ACTR2: variants seen among roughly 807,000 people sequenced by gnomAD.
The protein encoded by ACTR2 is actin related protein 2.
In ACTR2, 5 loss-of-function variants were observed where a neutral mutation model predicts 50.2. The observed-to-expected ratio is 0.10, with a 90% CI of 0.05 to 0.21. ACTR2 has a LOEUF of 0.21. Ranked by LOEUF, ACTR2 falls within the 10% of genes least tolerant of loss-of-function variation. The pLI is 1.00. For synonymous variants in ACTR2, 140 were observed against 162.9 expected, an observed-to-expected ratio of 0.86 and a Z score of 1.07; for missense variants, 180 against 480.6, an observed-to-expected ratio of 0.37 and a Z score of 5.85.
At chr2:65,231,228 T>C (rs1335404331) in intron 1 of ACTR2, among the ~76,000 whole-genome samples, 5 of 152,216 alleles carry the variant, frequency 3.3e-5, no homozygotes, top group African/African-American at 1.2e-4. Context: ...TTTAAAATTT[T>C]ATGCAGATTT....
intron 3 of ACTR2, among the ~76,000 whole-genome samples, chr2:65,246,960 G>A (rs569356230): frequency 6.6e-6 from 1 of 152,004 alleles, no homozygotes; most frequent in East Asian, 1.9e-4. Context: ...TTCTAACAGG[G>A]AAAAACAGAC....
intron 5 of ACTR2, among the ~76,000 whole-genome samples, chr2:65,254,706 A>G (rs1394704915): frequency 1.3e-5 from 2 of 152,218 alleles, no homozygotes; most frequent in African/African-American, 4.8e-5. Flanking sequence ...ACAACAAACA[A>G]TGTATAGTCT....
intron 1 of ACTR2, among the ~76,000 whole-genome samples, chr2:65,231,834 A>G (rs954878454): frequency 2.0e-5 from 3 of 152,194 alleles, no homozygotes; most frequent in East Asian, 3.8e-4. Flanking sequence ...GAAATACACT[A>G]ACAATAGCTG....
Position 65,239,968 on chromosome 2 carries a change from A to G in ACTR2, c.159+6A>G. ...TGGGAAACATTGAAATCAAGGTAATATTTTATTTATTGATAAATGATAATC... is the reference window on the plus strand; with the variant it reads ...TGGGAAACATTGAAATCAAGGTAATGTTTTATTTATTGATAAATGATAATC... On this transcript the variant is annotated splice_donor_region_variant and intron_variant, in intron 2 of 8. Transcript: ENST00000260641. The G allele has an allele frequency of 6.6e-7, 1 of 1,516,786 alleles. No individual in the cohort carries two copies. The highest frequency in any genetic ancestry group is 9.2e-7 in the Non-Finnish European group (1 of 1,092,382). 94.0% of individuals were successfully genotyped at this position (1,516,786 alleles called of 1,614,324 possible). A position where few individuals can be genotyped will look rare whatever the true frequency, so the allele number is the denominator to read the frequency against.
chr2:65,265,324 G>C (rs914704108), intron 8 of ACTR2, 149 bp downstream of exon 8: 14 of 900,418 alleles, frequency 1.6e-5, no homozygotes, highest in Non-Finnish European at 2.1e-5. Flanking sequence ...ATAGCAAGAA[G>C]GAAATAGTTC....
chr2:65,232,763 C>T (rs1671664454), intron 1 of ACTR2, among the ~76,000 whole-genome samples: 1 of 152,080 alleles, frequency 6.6e-6, no homozygotes, highest in African/African-American at 2.4e-5. Flanking sequence ...CATTTGATGA[C>T]TCAGTGGGAA....
At chr2:65,242,079 C>T (rs1274304579) in intron 2 of ACTR2, 3 of 1,575,710 alleles carry the variant, frequency 1.9e-6, no homozygotes, top group African/African-American at 1.3e-5. Flanking sequence ...TGAGGTTACA[C>T]ACATGCTCTG....
At chr2:65,267,967 G>A (rs1252307995) in intron 8 of ACTR2, among the ~76,000 whole-genome samples, 1 of 139,966 alleles carries the variant, frequency 7.1e-6, no homozygotes, top group African/African-American at 2.7e-5. Context: ...CTCCCGAGTA[G>A]CTGGGACTAC....
intron 6 of ACTR2, among the ~76,000 whole-genome samples, chr2:65,259,590 G>A (rs938436834): frequency 1.3e-4 from 20 of 151,868 alleles, no homozygotes; most frequent in African/African-American, 4.6e-4. Flanking sequence ...TTAGCCAGGC[G>A]TGGTGGCACA....
intron 1 of ACTR2, among the ~76,000 whole-genome samples, chr2:65,231,971 C>A (rs557037943): frequency 6.6e-6 from 1 of 152,226 alleles, no homozygotes; most frequent in Non-Finnish European, 1.5e-5. Context: ...TTTGTACTTA[C>A]GATCACATGA....
chr2:65,261,121 G>T, intron 6 of ACTR2, 126 bp from the exon 7 acceptor site: 2 of 872,462 alleles, frequency 2.3e-6, no homozygotes, highest in Non-Finnish European at 3.5e-6. Flanking sequence ...ATATATTTTA[G>T]GAAAAATTGT....
At chr2:65,232,738 T>C (rs1671662828) in intron 1 of ACTR2, among the ~76,000 whole-genome samples, 1 of 152,230 alleles carries the variant, frequency 6.6e-6, no homozygotes. Flanking sequence ...AACATTATAC[T>C]GTTCATATTC....
intron 3 of ACTR2, among the ~76,000 whole-genome samples, chr2:65,248,100 C>T (rs1558624074): frequency 6.6e-6 from 1 of 152,066 alleles, no homozygotes; most frequent in Non-Finnish European, 1.5e-5. Context: ...GCCTTGTAGG[C>T]TCTAATTAGG....
At position 65,241,534 on chromosome 2, in the gene ACTR2, G is replaced by A. The variant is rs140645378; in HGVS notation, c.159+1572G>A. Among the ~76,000 whole-genome samples the A allele has an allele frequency of 1.7e-3, 254 of 152,234 alleles. No individual in the cohort carries two copies. In the South Asian group the frequency reaches 0.02, roughly 12 times the overall value. ...ATTGGCTCAATTCTGTTCACTCTGTGCAATCTTGTAAGCCTATCAAGTTAA... is the reference window on the plus strand; with the variant it reads ...ATTGGCTCAATTCTGTTCACTCTGTACAATCTTGTAAGCCTATCAAGTTAA... On this transcript the variant is annotated intron_variant, in intron 2 of 8. Coordinates refer to ENST00000260641, the MANE Select transcript of ACTR2 (RefSeq NM_005722.4).
At chr2:65,256,779 G>A (rs965278776) in intron 6 of ACTR2, among the ~76,000 whole-genome samples, 10 of 151,408 alleles carry the variant, frequency 6.6e-5, no homozygotes. Flanking sequence ...GGCTGAGGCA[G>A]GAGAATTGCT....
chr2:65,241,524 T>C (rs1038485981), intron 2 of ACTR2, among the ~76,000 whole-genome samples: 3 of 152,184 alleles, frequency 2.0e-5, no homozygotes, highest in Non-Finnish European at 4.4e-5. Flanking sequence ...CTCAATTCTG[T>C]TCACTCTGTG....
At chr2:65,252,332 T>C (rs753612512) in intron 4 of ACTR2, among the ~76,000 whole-genome samples, 1 of 152,128 alleles carries the variant, frequency 6.6e-6, no homozygotes, top group African/African-American at 2.4e-5. Context: ...CAAGGAATTA[T>C]ATCCACTTAA....
intron 2 of ACTR2, among the ~76,000 whole-genome samples, chr2:65,240,304 A>G (rs1671816470): frequency 6.6e-6 from 1 of 152,176 alleles, no homozygotes; most frequent in African/African-American, 2.4e-5. Context: ...ATGTCTTTCA[A>G]TTCCATATAT....
rs1258241359 is a variant in ACTR2, at chr2:65,251,115, C to A, written c.448+16C>A. 1 of 1,563,440 alleles carries A rather than the reference C, an allele frequency of 6.4e-7. No homozygotes were observed. Among genetic ancestry groups the A allele is most frequent in the Non-Finnish European group, 8.7e-7 (1 of 1,151,778 alleles). On this transcript the variant is annotated intron_variant, in intron 4 of 8. Coordinates refer to ENST00000260641, the MANE Select transcript of ACTR2 (RefSeq NM_005722.4). ...TACGCTCAAGGTAGGTTAAGCTTAA[C>A]TGTTAGAAAAAACACTTCATCAAAC...
Sources: allele counts gnomAD v4.1 joint callset (sites outside exome capture counted in the v4.1 genomes callset), GRCh38; gene constraint gnomAD v4.1.1; transcripts MANE v1.5; gene names NCBI Gene and HGNC (gene_info 2026-07-23, HGNC 2026-07-21).